Variants in MARCHF1 observed in about 807,000 individuals in gnomAD.
MARCHF1 encodes membrane associated ring-CH-type finger 1, also known as E3 ubiquitin-protein ligase MARCHF1.
MARCHF1 carries 40 observed loss-of-function variants against 54.2 expected under a neutral mutation model. The observed-to-expected ratio is 0.74, with a 90% confidence interval of 0.57 to 0.96. The LOEUF (loss-of-function observed/expected upper bound fraction) is 0.96, where lower values mean the gene tolerates loss of function less well. Among genes scored for constraint, MARCHF1 ranks in the 40% least tolerant of loss-of-function variants. The pLI is 0.00. For synonymous variants in MARCHF1, 236 were observed against 236.3 expected (o/e 1.00, Z 0.01); for missense variants, 586 against 656.5 (o/e 0.89, Z 1.17).
intron 1 of MARCHF1, among the ~76,000 whole-genome samples, chr4:164,335,390 G>A (rs1463859093): frequency 6.6e-6 from 1 of 152,128 alleles, no homozygotes; most frequent in Admixed American, 6.5e-5. Flanking sequence ...AGACCGTCCT[G>A]GCTAATATGG....
At chr4:163,918,497 G>A (rs1372540225) in intron 3 of MARCHF1, among the ~76,000 whole-genome samples, 3 of 152,062 alleles carry the variant, frequency 2.0e-5, no homozygotes, top group Non-Finnish European at 4.4e-5. Context: ...CTGAAAAGAA[G>A]CATTAATTGT....
chr4:163,750,664 C>T (rs1018909131), intron 4 of MARCHF1, among the ~76,000 whole-genome samples: 1 of 152,072 alleles, frequency 6.6e-6, no homozygotes, highest in South Asian at 2.1e-4. Flanking sequence ...CAGAGAATAA[C>T]AAAGAACCAC....
intron 4 of MARCHF1, among the ~76,000 whole-genome samples, chr4:163,757,470 C>A (rs914682401): frequency 6.6e-6 from 1 of 152,226 alleles, no homozygotes; most frequent in Non-Finnish European, 1.5e-5. Context: ...TCTGCCCATC[C>A]CTATTTTGAG....
At chr4:163,684,381 A>C (rs1182379177) in intron 5 of MARCHF1, among the ~76,000 whole-genome samples, 1 of 152,218 alleles carries the variant, frequency 6.6e-6, no homozygotes, top group Non-Finnish European at 1.5e-5. Context: ...GAAAAGAAAA[A>C]AACAAAACAA....
chr4:164,297,693 C>T (rs555565484), intron 1 of MARCHF1, among the ~76,000 whole-genome samples: 3 of 152,016 alleles, frequency 2.0e-5, no homozygotes, highest in African/African-American at 4.8e-5. Context: ...AGTAGTAATG[C>T]AGCAAGAATT....
intron 1 of MARCHF1, among the ~76,000 whole-genome samples, chr4:164,136,393 A>C (rs748679436): frequency 2.0e-4 from 31 of 151,908 alleles, no homozygotes; most frequent in Non-Finnish European, 4.0e-4. Flanking sequence ...TATCCCTTGG[A>C]CTGAAACTCC....
chr4:163,727,898 G>T (rs1349797379), intron 4 of MARCHF1, among the ~76,000 whole-genome samples: 1 of 151,494 alleles, frequency 6.6e-6, no homozygotes, highest in Non-Finnish European at 1.5e-5. Context: ...TGTTATCCAG[G>T]CTGGTCTTAA....
At chr4:163,943,490 A>T (rs1307655875) in intron 3 of MARCHF1, among the ~76,000 whole-genome samples, 2 of 152,044 alleles carry the variant, frequency 1.3e-5, no homozygotes, top group Non-Finnish European at 2.9e-5. Flanking sequence ...GGTCAGATGG[A>T]TGTAAGTGTG....
Position 163,783,687 on chromosome 4 carries a change from C to T in MARCHF1, c.111+70334G>A, listed in dbSNP as rs544114278. On this transcript the variant is annotated intron_variant, in intron 4 of 9. Coordinates refer to ENST00000514618, the MANE Select transcript of MARCHF1 (RefSeq NM_001394959.1). ...TTAAAATAGTTTTGTGTGACAATTGCCTCTCCTAGTGTTTGAGGTACAGGA... is the reference window on the plus strand; with the variant it reads ...TTAAAATAGTTTTGTGTGACAATTGTCTCTCCTAGTGTTTGAGGTACAGGA... Among the ~76,000 whole-genome samples, 36 of 152,278 alleles carry T rather than the reference C, an allele frequency of 2.4e-4. 1 individual carries two copies. Among genetic ancestry groups the T allele is most frequent in the African/African-American group, 7.7e-4 (32 of 41,574 alleles).
chr4:163,844,100 T>C (rs912524657), intron 4 of MARCHF1, among the ~76,000 whole-genome samples: 16 of 152,040 alleles, frequency 1.1e-4, no homozygotes, highest in African/African-American at 3.9e-4. Flanking sequence ...CTAGTACCCA[T>C]CATTTTTCCT....
intron 1 of MARCHF1, among the ~76,000 whole-genome samples, chr4:164,135,657 G>A (rs554072533): frequency 8.5e-5 from 13 of 152,284 alleles, no homozygotes; most frequent in Non-Finnish European, 1.6e-4. Context: ...CCCCCAACCT[G>A]TAGGGATTAC....
intron 3 of MARCHF1, among the ~76,000 whole-genome samples, chr4:163,944,218 G>A (rs1184348369): frequency 5.4e-5 from 8 of 149,230 alleles, no homozygotes; most frequent in South Asian, 2.1e-4. Flanking sequence ...TCCTGACCTC[G>A]TGATCCACCC....
chr4:163,623,428 A>G (rs1027077398), intron 5 of MARCHF1, among the ~76,000 whole-genome samples: 1 of 152,204 alleles, frequency 6.6e-6, no homozygotes, highest in Non-Finnish European at 1.5e-5. Context: ...ATAAGTGCCA[A>G]CTAATGTTAT....
intron 2 of MARCHF1, among the ~76,000 whole-genome samples, chr4:164,094,191 T>C (rs563537361): frequency 6.6e-6 from 1 of 152,208 alleles, no homozygotes; most frequent in South Asian, 2.1e-4. Context: ...CTGAACTGTA[T>C]GGTCAGAAAA....
chr4:163,762,141 G>A (rs78295783), intron 4 of MARCHF1, among the ~76,000 whole-genome samples: 2,833 of 152,224 alleles, frequency 0.019, 44 homozygotes, highest in East Asian at 0.078. Flanking sequence ...TGTTTCTTAA[G>A]TAAAGCCTCT....
At chr4:163,657,117 G>A (rs1197066977) in intron 5 of MARCHF1, among the ~76,000 whole-genome samples, 2 of 151,936 alleles carry the variant, frequency 1.3e-5, no homozygotes, top group African/African-American at 4.8e-5. Context: ...AGGAGCTCAA[G>A]TTGTCTTTGT....
chr4:163,688,954 G>A (rs142641340), intron 5 of MARCHF1, among the ~76,000 whole-genome samples: 1 of 152,114 alleles, frequency 6.6e-6, no homozygotes, highest in Non-Finnish European at 1.5e-5. Flanking sequence ...TAATTGCAAG[G>A]TTGTTTTAGT....
chr4:163,597,019 A>G (rs966624965), intron 7 of MARCHF1, among the ~76,000 whole-genome samples: 1 of 152,116 alleles, frequency 6.6e-6, no homozygotes, highest in African/African-American at 2.4e-5. Context: ...GCAGTGGTGC[A>G]ATCTCGGCTC....
At chr4:163,533,049 A>C (rs1301279900) in intron 9 of MARCHF1, among the ~76,000 whole-genome samples, 9 of 151,990 alleles carry the variant, frequency 5.9e-5, no homozygotes, top group Non-Finnish European at 1.3e-4. Flanking sequence ...AAAAACCTGC[A>C]CACAAATGTT....
Sources: allele counts gnomAD v4.1 joint callset (sites outside exome capture counted in the v4.1 genomes callset), GRCh38; gene constraint gnomAD v4.1.1; transcripts MANE v1.5; gene names NCBI Gene and HGNC (gene_info 2026-07-23, HGNC 2026-07-21).